EPSTI1: variants seen among roughly 807,000 people sequenced by gnomAD.
EPSTI1 encodes epithelial stromal interaction 1.
EPSTI1 carries 66 observed loss-of-function variants against 49.9 expected under a neutral mutation model. The observed-to-expected ratio is 1.32, with a 90% CI of 1.08 to 1.62. The LOEUF (loss-of-function observed/expected upper bound fraction) is 1.62, where lower values mean the gene tolerates loss of function less well. EPSTI1 is among the 40% of genes most tolerant of loss of function. The probability of loss-of-function intolerance (pLI) is 0.00; values close to 1 mark genes in which losing one functional copy is unlikely to be tolerated. For synonymous variants in EPSTI1, 137 were observed against 130.7 expected (o/e 1.05, Z -0.33); for missense variants, 394 against 365.5 (o/e 1.08, Z -0.64).
At chr13:42,891,964 G>A (rs1322834182) in intron 10 of EPSTI1, among the ~76,000 whole-genome samples, 1 of 152,240 alleles carries the variant, frequency 6.6e-6, no homozygotes, top group African/African-American at 2.4e-5. Flanking sequence ...GCAGGAGCCA[G>A]GGTGAGAGGA....
At chr13:42,963,963 G>T (rs2039534418) in intron 4 of EPSTI1, 103 bp downstream of exon 4, 1 of 1,045,066 alleles carries the variant, frequency 9.6e-7, no homozygotes, top group Non-Finnish European at 1.4e-6. Context: ...TGGTTGGAAG[G>T]TTTTATACTT....
At chr13:42,928,271 C>T (rs1214345090) in intron 6 of EPSTI1, among the ~76,000 whole-genome samples, 3 of 152,168 alleles carry the variant, frequency 2.0e-5, no homozygotes, top group African/African-American at 4.8e-5. Context: ...TAGCATTAGT[C>T]CCTGGTATAT....
chr13:42,963,377 C>T lies in EPSTI1; in HGVS notation c.406-39G>A. On this transcript the variant is annotated intron_variant, in intron 4 of 10. Coordinates refer to ENST00000313624, the MANE Select transcript of EPSTI1 (RefSeq NM_033255.5). ...AAATTACAGAGAACAAAAACAGTTA[C>T]CATTTTTCAGTCTGAACTCTGGAAC... 6 of 1,528,330 alleles carry T rather than the reference C, an allele frequency of 3.9e-6. 1 individual carries two copies. The South Asian group carries it at 6.9e-5, about 18-fold the overall frequency. The allele number at this position is 1,528,330 out of a possible 1,614,324, so 94.7% of individuals were successfully genotyped here.
rs1191885920 is a variant in EPSTI1 at position 42,968,219 on chromosome 13, T to G, written c.331+875A>C. Among the ~76,000 whole-genome samples, 4 of 152,226 alleles carry G rather than the reference T, an allele frequency of 2.6e-5. No individual in the cohort carries two copies. In the East Asian group the frequency reaches 7.7e-4, roughly 29 times the overall value. ...GGCTCATTTGCACAAAGGAGGCACT[T>G]GAGATTAGCCCTTTTCACGAAATAC... is the stretch of plus-strand genomic sequence containing the variant. On this transcript the variant is annotated intron_variant, in intron 3 of 10. Coordinates refer to ENST00000313624, the MANE Select transcript of EPSTI1 (RefSeq NM_033255.5).
intron 6 of EPSTI1, among the ~76,000 whole-genome samples, chr13:42,939,338 T>C (rs558597563): frequency 1.3e-5 from 2 of 152,368 alleles, no homozygotes; most frequent in South Asian, 2.1e-4. Context: ...CTTGGCTAAC[T>C]AATGCAAGAG....
At chr13:42,967,871 C>T (rs1381076898) in intron 3 of EPSTI1, among the ~76,000 whole-genome samples, 1 of 152,178 alleles carries the variant, frequency 6.6e-6, no homozygotes, top group Non-Finnish European at 1.5e-5. Context: ...GGAACAGAGC[C>T]ATGAATAGAG....
At chr13:42,942,066 T>G (rs2038770882) in intron 6 of EPSTI1, among the ~76,000 whole-genome samples, 1 of 152,210 alleles carries the variant, frequency 6.6e-6, no homozygotes, top group Non-Finnish European at 1.5e-5. Flanking sequence ...ACTTGCATTT[T>G]CCTTTGGATT....
chr13:42,972,853 A>G (rs1186214491), intron 1 of EPSTI1, among the ~76,000 whole-genome samples: 2 of 152,316 alleles, frequency 1.3e-5, no homozygotes, highest in Non-Finnish European at 1.5e-5. Flanking sequence ...ATGGGGAAAA[A>G]AACAAAAATA....
At chr13:42,978,140 G>A (rs575915026) in intron 1 of EPSTI1, among the ~76,000 whole-genome samples, 10 of 151,544 alleles carry the variant, frequency 6.6e-5, no homozygotes, top group South Asian at 2.1e-4. Context: ...GCCACAGAGC[G>A]AGACTCCATC....
At chr13:42,899,068 C>T (rs552610160) in intron 9 of EPSTI1, among the ~76,000 whole-genome samples, 17 of 151,756 alleles carry the variant, frequency 1.1e-4, no homozygotes, top group East Asian at 5.8e-4. Context: ...CATGGTGGCA[C>T]GTGCCTGTAA....
At chr13:42,894,565 TA>T (rs2037130833) in intron 10 of EPSTI1, among the ~76,000 whole-genome samples, 1 of 152,028 alleles carries the variant, frequency 6.6e-6, no homozygotes, top group South Asian at 2.1e-4. Context: ...ATAGGGTTTC[TA>T]AAAAATCATT....
At chr13:42,917,473 A>C in intron 8 of EPSTI1, 68 bp downstream of exon 8, 1 of 1,311,700 alleles carries the variant, frequency 7.6e-7, no homozygotes, top group Non-Finnish European at 1.1e-6. Context: ...TTCTGTTCAG[A>C]AATTCTTCAA....
At chr13:42,931,958 T>G (rs908876707) in intron 6 of EPSTI1, among the ~76,000 whole-genome samples, 1 of 152,194 alleles carries the variant, frequency 6.6e-6, no homozygotes, top group African/African-American at 2.4e-5. Flanking sequence ...TAAATAGATA[T>G]GCAATTTTTT....
chr13:42,919,599 A>G (rs2037936194), intron 7 of EPSTI1, among the ~76,000 whole-genome samples: 1 of 152,206 alleles, frequency 6.6e-6, no homozygotes, highest in Admixed American at 6.5e-5. Context: ...CCAGGCCTCA[A>G]GCATTTACAG....
chr13:42,935,313 A>C (rs1268740369), intron 6 of EPSTI1, among the ~76,000 whole-genome samples: 1 of 152,154 alleles, frequency 6.6e-6, no homozygotes, highest in Non-Finnish European at 1.5e-5. Flanking sequence ...CCATTTTTTA[A>C]ATCTTTCCCT....
chr13:42,929,308 T>G (rs1000016425), intron 6 of EPSTI1, among the ~76,000 whole-genome samples: 1 of 152,238 alleles, frequency 6.6e-6, no homozygotes, highest in African/African-American at 2.4e-5. Flanking sequence ...GAATGACCAC[T>G]ACTTCTTCAC....
chr13:42,894,668 T>C (rs1268937948), intron 10 of EPSTI1, among the ~76,000 whole-genome samples: 3 of 75,906 alleles, frequency 4.0e-5, no homozygotes, highest in African/African-American at 1.3e-4. Flanking sequence ...TTTATAACCA[T>C]ATTTCTGAAA....
chr13:42,908,127 T>C (rs1468526181), intron 8 of EPSTI1, among the ~76,000 whole-genome samples: 1 of 152,170 alleles, frequency 6.6e-6, no homozygotes, highest in Non-Finnish European at 1.5e-5. Context: ...CGTTAAAAAA[T>C]AATCAACTCA....
At chr13:42,962,287 G>C (rs2153430933) in intron 5 of EPSTI1, among the ~76,000 whole-genome samples, 1 of 152,230 alleles carries the variant, frequency 6.6e-6, no homozygotes, top group South Asian at 2.1e-4. Context: ...CTGAGGTAGG[G>C]CTCAAGATTC....
Sources: gnomAD v4.1 joint callset for allele counts (sites outside exome capture counted in the v4.1 genomes callset) on GRCh38, gnomAD v4.1.1 for gene constraint, MANE v1.5 for transcripts, NCBI Gene and HGNC (gene_info 2026-07-23, HGNC 2026-07-21) for gene names.